The following DGKB variants were observed in gnomAD, a reference collection of about 807,000 sequenced individuals.
DGKB encodes diacylglycerol kinase beta.
Under a neutral mutation model 114.3 loss-of-function variants are expected in DGKB, and 67 were observed. The observed-to-expected ratio is 0.59, with a 90% CI of 0.48 to 0.72. DGKB has a LOEUF of 0.72. Ranked by LOEUF, DGKB falls within the 30% of genes least tolerant of loss-of-function variation. The probability of loss-of-function intolerance (pLI) is 0.00; values close to 1 mark genes in which losing one functional copy is unlikely to be tolerated. For synonymous variants in DGKB, 398 were observed against 323.1 expected, an observed-to-expected ratio of 1.23 and a Z score of -2.49; for missense variants, 907 against 975.2, an observed-to-expected ratio of 0.93 and a Z score of 0.93.
chr7:14,456,240 T>C (rs564079946), intron 21 of DGKB, among the ~76,000 whole-genome samples: 2 of 152,176 alleles, frequency 1.3e-5, no homozygotes, highest in East Asian at 1.9e-4. Flanking sequence ...ATTATGTATA[T>C]GGAAATATCC....
intron 2 of DGKB, among the ~76,000 whole-genome samples, chr7:14,807,660 G>C (rs1486956417): frequency 6.6e-6 from 1 of 151,970 alleles, no homozygotes; most frequent in Admixed American, 6.6e-5. Flanking sequence ...CCTGGAAATA[G>C]CTCAACATGC....
intron 20 of DGKB, among the ~76,000 whole-genome samples, chr7:14,566,595 A>G (rs1797418584): frequency 6.6e-6 from 1 of 152,176 alleles, no homozygotes; most frequent in Non-Finnish European, 1.5e-5. Context: ...AATGATAATT[A>G]TTTAATTATT....
At chr7:14,215,691 T>G (rs1788839101) in intron 23 of DGKB, among the ~76,000 whole-genome samples, 1 of 152,040 alleles carries the variant, frequency 6.6e-6, no homozygotes, top group South Asian at 2.1e-4. Context: ...AATTCATGGT[T>G]GAGGTAGGAT....
At chr7:14,809,923 T>C (rs1261516679) in intron 2 of DGKB, among the ~76,000 whole-genome samples, 2 of 152,200 alleles carry the variant, frequency 1.3e-5, no homozygotes, top group African/African-American at 4.8e-5. Flanking sequence ...GAAAAATATA[T>C]TTCTGTTGAT....
chr7:14,225,501 C>A (rs1790651535), intron 23 of DGKB, among the ~76,000 whole-genome samples: 1 of 152,006 alleles, frequency 6.6e-6, no homozygotes, highest in Admixed American at 6.6e-5. Context: ...GTCCACAGAG[C>A]TCCTTATGTT....
intron 2 of DGKB, among the ~76,000 whole-genome samples, chr7:14,825,760 T>G (rs1352991633): frequency 6.6e-6 from 1 of 152,114 alleles, no homozygotes; most frequent in South Asian, 2.1e-4. Context: ...ATAAATACGT[T>G]AGAAAAAGTT....
intron 17 of DGKB, among the ~76,000 whole-genome samples, chr7:14,585,708 G>C (rs1022973091): frequency 6.6e-6 from 1 of 152,102 alleles, no homozygotes; most frequent in Non-Finnish European, 1.5e-5. Flanking sequence ...TCTGCTTCTA[G>C]CAAGTCTATC....
At chr7:14,958,125 G>C (rs932355874) in intron 1 of DGKB, among the ~76,000 whole-genome samples, 1 of 151,800 alleles carries the variant, frequency 6.6e-6, no homozygotes, top group African/African-American at 2.4e-5. Flanking sequence ...GGCAGCATCG[G>C]TTTATAAAAA....
intron 20 of DGKB, among the ~76,000 whole-genome samples, chr7:14,494,986 G>T (rs910247080): frequency 6.6e-6 from 1 of 151,766 alleles, no homozygotes; most frequent in East Asian, 1.9e-4. Context: ...GAAAGACAAA[G>T]GTTTAATAGG....
At chr7:14,497,770 C>G (rs750000997) in intron 20 of DGKB, among the ~76,000 whole-genome samples, 4 of 151,870 alleles carry the variant, frequency 2.6e-5, no homozygotes, top group Non-Finnish European at 5.9e-5. Flanking sequence ...TGCAATACTG[C>G]AAAACCAATA....
At chr7:14,422,741 C>G (rs967704087) in intron 21 of DGKB, among the ~76,000 whole-genome samples, 1 of 151,746 alleles carries the variant, frequency 6.6e-6, no homozygotes, top group Non-Finnish European at 1.5e-5. Flanking sequence ...GGTTCATTAA[C>G]AAGGTGGAAG....
chr7:14,719,311 T>C (rs1444351757), intron 5 of DGKB, among the ~76,000 whole-genome samples: 1 of 152,108 alleles, frequency 6.6e-6, no homozygotes, highest in East Asian at 1.9e-4. Context: ...TTTTAAATGG[T>C]TCTGACTTTA....
intron 17 of DGKB, among the ~76,000 whole-genome samples, chr7:14,596,271 A>G (rs1802564393): frequency 6.6e-6 from 1 of 152,188 alleles, no homozygotes; most frequent in Admixed American, 6.6e-5. Context: ...CTGGAAGAAT[A>G]ACGCTTCTGT....
chr7:14,914,040 C>T (rs1348232875), intron 1 of DGKB, among the ~76,000 whole-genome samples: 2 of 152,070 alleles, frequency 1.3e-5, no homozygotes, highest in Non-Finnish European at 2.9e-5. Context: ...AATTACTTTC[C>T]CTCATGCTTT....
At position 14,652,763 on chromosome 7, in the gene DGKB, C is replaced by T. The variant is rs192844016; in HGVS notation, c.1134+20166G>A. On this transcript the variant is annotated intron_variant, in intron 13 of 25. Coordinates refer to ENST00000402815, the MANE Select transcript of DGKB (RefSeq NM_001350709.2). ...CGCAATCTACTCATCTGACAAAGGG[C>T]TAATAATATCCAGAATCTACAATGA... Among the ~76,000 whole-genome samples the T allele has an allele frequency of 2.2e-4, 34 of 151,862 alleles. 1 individual carries two copies. The East Asian group carries it at 6.4e-3, about 29-fold the overall frequency.
At chr7:14,598,029 C>T (rs939541910) in intron 17 of DGKB, among the ~76,000 whole-genome samples, 1 of 152,120 alleles carries the variant, frequency 6.6e-6, no homozygotes, top group Non-Finnish European at 1.5e-5. Flanking sequence ...AATCTACATT[C>T]AAATTATTCC....
chr7:14,289,126 A>G (rs1801341987), intron 23 of DGKB, among the ~76,000 whole-genome samples: 1 of 152,188 alleles, frequency 6.6e-6, no homozygotes, highest in African/African-American at 2.4e-5. Flanking sequence ...ATGACTATAG[A>G]TTTGAAGGCA....
rs113126619 is a variant in DGKB at position 14,589,488 on chromosome 7, C to A, written c.1434-6351G>T. Among the ~76,000 whole-genome samples the A allele has an allele frequency of 2.5e-3, 378 of 152,064 alleles. 2 individuals are homozygous for A. Among genetic ancestry groups the A allele is most frequent in the African/African-American group, 8.7e-3 (363 of 41,532 alleles). ...TGAAGATAAGAATTACTTTTGGAAT[C>A]TGCCCATTTAGGATATCTGTTATTG... On this transcript the variant is annotated intron_variant, in intron 17 of 25. Transcript: ENST00000402815.
intron 23 of DGKB, among the ~76,000 whole-genome samples, chr7:14,227,133 T>C (rs556546304): frequency 6.6e-6 from 1 of 152,192 alleles, no homozygotes; most frequent in Admixed American, 6.5e-5. Context: ...TGATGAGAAG[T>C]CCAGGGTTAG....
Sources: gnomAD v4.1 joint callset for allele counts (sites outside exome capture counted in the v4.1 genomes callset) on GRCh38, gnomAD v4.1.1 for gene constraint, MANE v1.5 for transcripts, NCBI Gene and HGNC (gene_info 2026-07-23, HGNC 2026-07-21) for gene names.